Variants in VCAN observed in about 807,000 individuals in gnomAD.
The protein encoded by VCAN is versican, also known as versican core protein.
A neutral mutation model predicts 245.5 loss-of-function variants in VCAN; 44 were observed. That is an observed-to-expected ratio of 0.18 (90% CI 0.14 to 0.23). The LOEUF (loss-of-function observed/expected upper bound fraction) is 0.23. VCAN is among the 10% of genes least tolerant of loss of function. VCAN has a pLI of 1.00. For synonymous variants in VCAN, 1,413 were observed against 1,437.0 expected (o/e 0.98, Z 0.38); for missense variants, 3,793 against 4,057.9 (o/e 0.93, Z 1.77).
chr5:83,488,652 A>G (rs1744865392), intron 2 of VCAN, among the ~76,000 whole-genome samples: 1 of 152,240 alleles, frequency 6.6e-6, no homozygotes, highest in Non-Finnish European at 1.5e-5. Flanking sequence ...TTCAAAGGAT[A>G]ATTTAGTATA....
At chr5:83,490,502 G>A (rs1030227177) in intron 3 of VCAN, 30 bp downstream of exon 3, 2 of 1,612,344 alleles carry the variant, frequency 1.2e-6, no homozygotes, top group South Asian at 2.2e-5. Flanking sequence ...CAAGAAGGTA[G>A]TATAACATGA....
In VCAN at chr5:83,522,918, A is replaced by G. The variant is rs563903147; in HGVS notation, c.4003+609A>G. 4.7e-4 allele frequency among the ~76,000 whole-genome samples: 71 copies of G among 152,328 alleles called. No individual in the cohort carries two copies. The South Asian group carries it at 0.013, about 29-fold the overall frequency. On this transcript the variant is annotated intron_variant, in intron 7 of 14. Transcript: ENST00000265077. ...TACTGTGGTTTTATCTATTTAGAGC[A>G]AGTACAACCTAGCTTAGTTGTAGGG... is the stretch of plus-strand genomic sequence containing the variant.
At chr5:83,514,507 A>G (rs1456186387) in intron 6 of VCAN, among the ~76,000 whole-genome samples, 1 of 149,330 alleles carries the variant, frequency 6.7e-6, no homozygotes, top group Non-Finnish European at 1.5e-5. Flanking sequence ...CTGGAGTGCA[A>G]TGGTGCCATC....
At chr5:83,477,301 T>C (rs2112332573) in intron 1 of VCAN, among the ~76,000 whole-genome samples, 1 of 152,228 alleles carries the variant, frequency 6.6e-6, no homozygotes, top group East Asian at 1.9e-4. Flanking sequence ...ATAAAATAAA[T>C]CAGAGAGGGG....
chr5:83,575,252 G>A (rs373421364), intron 13 of VCAN, among the ~76,000 whole-genome samples: 17 of 152,294 alleles, frequency 1.1e-4, no homozygotes, highest in African/African-American at 4.1e-4. Flanking sequence ...TTAGCAATAA[G>A]TACGTTAGTC....
intron 5 of VCAN, among the ~76,000 whole-genome samples, chr5:83,504,009 C>T (rs1414475466): frequency 6.6e-6 from 1 of 152,172 alleles, no homozygotes; most frequent in Non-Finnish European, 1.5e-5. Flanking sequence ...GCAGCTTTTC[C>T]ACTTAGCAAA....
intron 12 of VCAN, among the ~76,000 whole-genome samples, chr5:83,559,757 T>C (rs1747799279): frequency 6.6e-6 from 1 of 152,082 alleles, no homozygotes; most frequent in African/African-American, 2.4e-5. Context: ...TTCGTCTCTG[T>C]TTTTTCAGCA....
At chr5:83,506,210 G>T (rs4703569) in intron 5 of VCAN, among the ~76,000 whole-genome samples, 1 of 151,998 alleles carries the variant, frequency 6.6e-6, no homozygotes, top group Non-Finnish European at 1.5e-5. Context: ...GAATTCCCCC[G>T]CAGAAAATGG....
chr5:83,536,564 A>G (rs1746713678), intron 7 of VCAN: 1 of 154,040 alleles, frequency 6.5e-6, no homozygotes, highest in Admixed American at 6.4e-5. Context: ...TATATAGATC[A>G]TATATAGAAA....
In VCAN at chr5:83,547,508, G is replaced by A. The variant is rs553464434; in HGVS notation, c.9380-463G>A. Among the ~76,000 whole-genome samples, 109 of 152,252 alleles carry A rather than the reference G, an allele frequency of 7.2e-4. 1 individual carries two copies. Among genetic ancestry groups the A allele is most frequent in the African/African-American group, 2.6e-3 (106 of 41,560 alleles). ...AAAGATGACATTTAGCAGAGTGATGGATATATTGGAGAGGAAAGGGCCTAG... is the reference window on the plus strand; with the variant it reads ...AAAGATGACATTTAGCAGAGTGATGAATATATTGGAGAGGAAAGGGCCTAG... On this transcript the variant is annotated intron_variant, in intron 9 of 14. Coordinates refer to ENST00000265077, the MANE Select transcript of VCAN (RefSeq NM_004385.5).
Position 83,479,874 on chromosome 5 carries a change from G to A in VCAN, c.-6-3639G>A, listed in dbSNP as rs77788770. 1.0e-2 allele frequency among the ~76,000 whole-genome samples: 1,517 copies of A among 152,252 alleles called. 29 individuals are homozygous for A. The highest frequency in any genetic ancestry group is 0.035 in the African/African-American group (1,436 of 41,534). ...TGATATATTTACTGTAGAAATAAAT[G>A]ATCATCTTTTAATTCAAGGTTTGCA... is the stretch of plus-strand genomic sequence containing the variant. On this transcript the variant is annotated intron_variant, in intron 1 of 14. Coordinates refer to ENST00000265077, the MANE Select transcript of VCAN (RefSeq NM_004385.5).
chr5:83,485,967 GGCTTGGGCCTGTAGTA>G (rs1283981832), intron 2 of VCAN, among the ~76,000 whole-genome samples: 4 of 151,962 alleles, frequency 2.6e-5, no homozygotes, highest in African/African-American at 9.7e-5. Flanking sequence ...CGGGGGTGGT[GGCTTGGGCCTGTAGTA>G]GCTTGGGCCT....
intron 1 of VCAN, among the ~76,000 whole-genome samples, chr5:83,476,581 T>G (rs1054883279): frequency 2.0e-5 from 3 of 152,184 alleles, no homozygotes; most frequent in Non-Finnish European, 2.9e-5. Flanking sequence ...GGATTAGATA[T>G]GGATGTCTTG....
intron 12 of VCAN, among the ~76,000 whole-genome samples, chr5:83,557,540 A>G (rs1047875065): frequency 6.6e-6 from 1 of 152,206 alleles, no homozygotes; most frequent in South Asian, 2.1e-4. Flanking sequence ...ATCATATGTC[A>G]TTATTCCCCT....
At chr5:83,512,446 C>G (rs760529398) in intron 6 of VCAN, 50 bp downstream of exon 6, 3 of 1,591,530 alleles carry the variant, frequency 1.9e-6, no homozygotes, top group Admixed American at 1.7e-5. Flanking sequence ...AAAAATGCTT[C>G]GAAGCATGCA....
intron 12 of VCAN, among the ~76,000 whole-genome samples, chr5:83,559,178 C>T (rs553242810): frequency 3.9e-5 from 6 of 152,288 alleles, no homozygotes; most frequent in African/African-American, 1.4e-4. Flanking sequence ...TACATTAAAG[C>T]TGGCAAACTT....
chr5:83,526,004 ATC>A (rs1746280684), intron 7 of VCAN, among the ~76,000 whole-genome samples: 1 of 151,876 alleles, frequency 6.6e-6, no homozygotes, highest in South Asian at 2.1e-4. Flanking sequence ...CAGTGGAGTG[ATC>A]TCGGCTCACT....
Position 83,538,856 on chromosome 5 carries a change from A to G in VCAN, c.5853A>G (p.Glu1951=). Residue 1951 remains glutamate, a synonymous_variant, in exon 8 of 15, where the codon GAA becomes GAG. Transcript: ENST00000265077. ...CAGTGTCTCATCCCATAGCAAAAGAAGAAACGGTAATGATGGAAGGCTCTG... is the reference window on the plus strand; with the variant it reads ...CAGTGTCTCATCCCATAGCAAAAGAGGAAACGGTAATGATGGAAGGCTCTG... The part of the protein sequence containing the change: ...YSTVSHPIAK[E]ETVMMEGSGD... 1 of 1,614,044 alleles carries G rather than the reference A, an allele frequency of 6.2e-7. No homozygotes were observed. The highest frequency in any genetic ancestry group is 8.5e-7 in the Non-Finnish European group (1 of 1,179,962).
chr5:83,542,603 AGTTAT>A (rs1747047698), intron 8 of VCAN, among the ~76,000 whole-genome samples: 1 of 152,188 alleles, frequency 6.6e-6, no homozygotes, highest in African/African-American at 2.4e-5. Flanking sequence ...TATGTCTCAT[AGTTAT>A]ACATGTTAGG....
Sources: allele counts gnomAD v4.1 joint callset (sites outside exome capture counted in the v4.1 genomes callset), GRCh38; gene constraint gnomAD v4.1.1; transcripts MANE v1.5; gene names NCBI Gene and HGNC (gene_info 2026-07-23, HGNC 2026-07-21).